UBE3B: variants seen among roughly 807,000 people sequenced by gnomAD.
The protein encoded by UBE3B is ubiquitin-protein ligase E3B.
A neutral mutation model predicts 132.3 loss-of-function variants in UBE3B; 80 were observed. That is an observed-to-expected ratio of 0.60 (90% confidence interval 0.50 to 0.73). The LOEUF (loss-of-function observed/expected upper bound fraction) is 0.73, where lower values mean the gene tolerates loss of function less well. Ranked by LOEUF, UBE3B falls within the 30% of genes least tolerant of loss-of-function variation. The pLI is 0.00. For synonymous variants in UBE3B, 487 were observed against 520.4 expected (o/e 0.94, Z 0.87); for missense variants, 1,196 against 1,362.5 (o/e 0.88, Z 1.92).
chr12:109,510,487 T>G (rs1419865392), intron 17 of UBE3B, 29 bp downstream of exon 17: 42 of 1,577,364 alleles, frequency 2.7e-5, no homozygotes, highest in Non-Finnish European at 3.5e-5. Context: ...GAGGGCTCCA[T>G]GGAAGCCAGC....
intron 14 of UBE3B, among the ~76,000 whole-genome samples, chr12:109,505,597 G>A (rs529136813): frequency 2.6e-5 from 4 of 152,320 alleles, no homozygotes; most frequent in South Asian, 4.1e-4. Context: ...ACAGTTGAAA[G>A]ACTAGTTATG....
chr12:109,487,238 C>T (rs1315217566), intron 6 of UBE3B, among the ~76,000 whole-genome samples: 1 of 152,174 alleles, frequency 6.6e-6, no homozygotes, highest in Non-Finnish European at 1.5e-5. Flanking sequence ...GGGGTACTGC[C>T]ACTAGCCCAG....
At chr12:109,545,148 CCTG>C in the UBE3B span, among the ~76,000 whole-genome samples, 1 of 152,248 alleles carries the variant, frequency 6.6e-6, no homozygotes, top group Non-Finnish European at 1.5e-5. Context: ...ACTCTCCTGA[CCTG>C]CTCCCATCCC....
At position 109,488,564 on chromosome 12, in the gene UBE3B, G is replaced by A; in HGVS notation, c.448-8G>A. ...GTGTCTTAATCTTGCTGTGTTTATT[G>A]TTTCCAGCCTGAAATCCTGCAGGAC... is the stretch of plus-strand genomic sequence containing the variant. On this transcript the variant is annotated splice_polypyrimidine_tract_variant and splice_region_variant and intron_variant, in intron 6 of 27. Transcript: ENST00000342494. 6.2e-7 allele frequency: 1 copy of A among 1,613,218 alleles called. No homozygotes were observed. The highest frequency in any genetic ancestry group is 8.5e-7 in the Non-Finnish European group (1 of 1,179,214).
intron 12 of UBE3B, 86 bp downstream of exon 12, chr12:109,499,896 T>G: frequency 7.9e-7 from 1 of 1,266,310 alleles, no homozygotes; most frequent in Non-Finnish European, 1.0e-6. Flanking sequence ...GCTTGTGGTG[T>G]TTTGTTTCTT....
rs1883299425 is a variant in UBE3B, at chr12:109,534,828, C to T, written c.*46C>T. On this transcript the variant is annotated 3_prime_UTR_variant, in exon 28 of 28. Coordinates refer to ENST00000342494, the MANE Select transcript of UBE3B (RefSeq NM_130466.4). The surrounding 1 kb of genome is among the most constrained non-coding windows in gnomAD (Gnocchi z 5.2). ...CCAGGGCTCCTGGGCTGCCAGGGAC[C>T]TTCAGCTCCCAGAGGCAGTGTGGTC... 1 of 1,446,774 alleles carries T rather than the reference C, an allele frequency of 6.9e-7. No individual in the cohort carries two copies. The highest frequency in any genetic ancestry group is 2.5e-5 in the East Asian group (1 of 39,848). The allele number at this position is 1,446,774 out of a possible 1,614,324, so 89.6% of individuals were successfully genotyped here.
intron 25 of UBE3B, 75 bp from the exon 26 acceptor site, chr12:109,530,472 T>TC: frequency 4.6e-6 from 6 of 1,297,122 alleles, no homozygotes; most frequent in Non-Finnish European, 6.7e-6. Context: ...GTGCCAGCTG[T>TC]CTGCATGACC....
intron 24 of UBE3B, among the ~76,000 whole-genome samples, chr12:109,528,805 C>T (rs554311829): frequency 5.0e-4 from 75 of 150,746 alleles, no homozygotes; most frequent in Non-Finnish European, 9.4e-4. Context: ...AGCCGAATCG[C>T]GCCATTGCAC....
intron 13 of UBE3B, 43 bp from the exon 14 acceptor site, chr12:109,502,980 C>T: frequency 6.2e-7 from 1 of 1,612,826 alleles, no homozygotes; most frequent in Non-Finnish European, 8.5e-7. Context: ...GATTTGGCAG[C>T]TGGCTGAGCT....
intron 8 of UBE3B, chr12:109,490,802 G>GTTTTTTGT (rs572010570): frequency 6.0e-6 from 8 of 1,323,236 alleles, no homozygotes; most frequent in African/African-American, 3.0e-5. Context: ...ACTGCATACG[G>GTTTTTTGT]TTTTTTGTTT....
At chr12:109,517,707 G>C (rs2136037081) in intron 19 of UBE3B, among the ~76,000 whole-genome samples, 1 of 152,258 alleles carries the variant, frequency 6.6e-6, no homozygotes, top group Middle Eastern at 3.4e-3. Flanking sequence ...TATTTGCCAT[G>C]TTTGCACTTC....
rs376394269 is a variant in UBE3B, at chr12:109,534,671, C to G, written c.3096C>G (p.Thr1032=). The G allele has an allele frequency of 1.1e-4, 173 of 1,611,230 alleles. No individual in the cohort carries two copies. Among genetic ancestry groups the G allele is most frequent in the Non-Finnish European group, 1.3e-4 (153 of 1,178,950 alleles). The change falls in exon 28 of 28, where the codon ACC becomes ACG. Residue 1032 remains threonine (T), a synonymous_variant. Coordinates refer to ENST00000342494, the MANE Select transcript of UBE3B (RefSeq NM_130466.4). The surrounding 1 kb of genome is among the most constrained non-coding windows in gnomAD (Gnocchi z 5.2). The stretch of plus-strand genomic sequence containing the variant: ...GGGAGCCAGGCGGCCGCCTGCCCAC[C>G]TCCTCCACCTGCTTCAACCTGCTCA... The part of the protein sequence containing the change: ...RKREPGGRLP[T]SSTCFNLLKL...
At chr12:109,519,521 T>G (rs1432211003) in intron 19 of UBE3B, 1 of 152,204 alleles carries the variant, frequency 6.6e-6, no homozygotes, top group Non-Finnish European at 1.5e-5. Context: ...ACCATCCCAT[T>G]TCATCCACAT....
At chr12:109,517,850 C>A in intron 19 of UBE3B, 1 of 384,422 alleles carries the variant, frequency 2.6e-6, no homozygotes, top group East Asian at 7.8e-5. Context: ...AGCAGCTGTT[C>A]CTCCTCACGT....
At chr12:109,481,121 AT>A (rs1592866626) in intron 1 of UBE3B, among the ~76,000 whole-genome samples, 1 of 151,386 alleles carries the variant, frequency 6.6e-6, no homozygotes, top group East Asian at 2.0e-4. Flanking sequence ...AAAAAAAAAA[AT>A]GTCAAACATG....
chr12:109,517,484 C>T (rs1881203603), intron 19 of UBE3B, among the ~76,000 whole-genome samples: 1 of 152,180 alleles, frequency 6.6e-6, no homozygotes, highest in South Asian at 2.1e-4. Flanking sequence ...AAAATTGTCA[C>T]AATACATTGG....
Position 109,516,689 on chromosome 12 carries a change from T to A in UBE3B, c.1957-76T>A, listed in dbSNP as rs1156698880. 9 of 1,571,806 alleles carry A rather than the reference T, an allele frequency of 5.7e-6. No homozygotes were observed. The East Asian group carries it at 1.8e-4, about 32-fold the overall frequency. ...GCATCTCATCTAACTTCAGTTTCAGTCATTTTTGCAGAGTGTTTTTATGGA... is the reference window on the plus strand; with the variant it reads ...GCATCTCATCTAACTTCAGTTTCAGACATTTTTGCAGAGTGTTTTTATGGA... On this transcript the variant is annotated intron_variant, in intron 18 of 27. Coordinates refer to ENST00000342494, the MANE Select transcript of UBE3B (RefSeq NM_130466.4).
intron 7 of UBE3B, among the ~76,000 whole-genome samples, chr12:109,489,321 G>A (rs1257069074): frequency 6.6e-6 from 1 of 152,160 alleles, no homozygotes; most frequent in East Asian, 1.9e-4. Context: ...AGAAATGAGA[G>A]TGTCCAGTAG....
intron 14 of UBE3B, among the ~76,000 whole-genome samples, chr12:109,506,264 A>G (rs1323894928): frequency 6.6e-6 from 1 of 152,256 alleles, no homozygotes; most frequent in Non-Finnish European, 1.5e-5. Flanking sequence ...TCAGCAGACT[A>G]CTGTTGGGGG....
Sources: allele counts gnomAD v4.1 joint callset (sites outside exome capture counted in the v4.1 genomes callset), GRCh38; gene constraint gnomAD v4.1.1; non-coding constraint Gnocchi (gnomAD v3.1); transcripts MANE v1.5; gene names NCBI Gene and HGNC (gene_info 2026-07-23, HGNC 2026-07-21).